The following FARS2 variants were observed in gnomAD, a reference collection of about 807,000 sequenced individuals.
FARS2 encodes the protein phenylalanyl-tRNA synthetase 2, mitochondrial, also known as phenylalanine--tRNA ligase, mitochondrial.
In FARS2, 40 loss-of-function variants were observed where a neutral mutation model predicts 46.4. The ratio of observed to expected loss-of-function variants is 0.86; its 90% confidence interval spans 0.67 to 1.12. The LOEUF (loss-of-function observed/expected upper bound fraction) is 1.12. Among genes scored for constraint, FARS2 ranks in the 50% most tolerant of loss-of-function variants. The pLI is 0.00. For synonymous variants in FARS2, 234 were observed against 214.9 expected (o/e 1.09, Z -0.78); for missense variants, 513 against 567.9 (o/e 0.90, Z 0.98).
intron 4 of FARS2, among the ~76,000 whole-genome samples, chr6:5,449,007 G>A (rs17140468): frequency 0.14 from 20,624 of 152,220 alleles, 1,775 homozygotes; most frequent in East Asian, 0.22. Flanking sequence ...GTGAAAGATC[G>A]GAGAGCGTAA....
chr6:5,515,416 TTTTTTATTTTTA>T (rs149947375), intron 4 of FARS2, among the ~76,000 whole-genome samples: 3 of 151,964 alleles, frequency 2.0e-5, no homozygotes, highest in Non-Finnish European at 4.4e-5. Context: ...GATTCAGCGT[TTTTTTATTTTTA>T]TTTTTATTTT....
chr6:5,628,269 C>T (rs1776131685), intron 6 of FARS2, among the ~76,000 whole-genome samples: 2 of 152,090 alleles, frequency 1.3e-5, no homozygotes, highest in South Asian at 4.1e-4. Flanking sequence ...GGGAAAATTT[C>T]TGAAGGAAGG....
chr6:5,297,582 A>G (rs984265486), intron 1 of FARS2, among the ~76,000 whole-genome samples: 1 of 152,084 alleles, frequency 6.6e-6, no homozygotes, highest in Non-Finnish European at 1.5e-5. Context: ...CAGGAGGCGG[A>G]GGTTGCAGTG....
intron 2 of FARS2, among the ~76,000 whole-genome samples, chr6:5,379,224 T>C (rs1238806134): frequency 1.3e-5 from 2 of 152,178 alleles, no homozygotes; most frequent in Non-Finnish European, 2.9e-5. Context: ...TGTCTCCCTC[T>C]TTCTGGGCTG....
chr6:5,665,903 C>T (rs146488591), intron 6 of FARS2, among the ~76,000 whole-genome samples: 351 of 152,278 alleles, frequency 2.3e-3, no homozygotes, highest in African/African-American at 7.7e-3. Flanking sequence ...GACAATTCCA[C>T]CCTTCCTTGA....
At chr6:5,376,248 A>T (rs1014133159) in intron 2 of FARS2, among the ~76,000 whole-genome samples, 1 of 152,212 alleles carries the variant, frequency 6.6e-6, no homozygotes, top group Non-Finnish European at 1.5e-5. Context: ...TATGTGTATG[A>T]TTTATTGTGT....
At chr6:5,570,406 C>A (rs1174733558) in intron 5 of FARS2, among the ~76,000 whole-genome samples, 1 of 152,204 alleles carries the variant, frequency 6.6e-6, no homozygotes, top group Non-Finnish European at 1.5e-5. Context: ...AAAACCACAA[C>A]ATCTTCTCTT....
At chr6:5,276,362 T>G (rs59548069) in intron 1 of FARS2, among the ~76,000 whole-genome samples, 35,040 of 152,154 alleles carry the variant, frequency 0.23, 4,561 homozygotes, top group African/African-American at 0.34. Flanking sequence ...GGTAAATTAC[T>G]TAACATTTAG....
At chr6:5,360,199 G>A (rs797124) in intron 1 of FARS2, among the ~76,000 whole-genome samples, 70,116 of 152,044 alleles carry the variant, frequency 0.46, 18,221 homozygotes, top group African/African-American at 0.72. Flanking sequence ...ATTTGTCCTT[G>A]TATTGGTTGA....
At chr6:5,342,139 C>T (rs985496841) in intron 1 of FARS2, among the ~76,000 whole-genome samples, 1 of 152,210 alleles carries the variant, frequency 6.6e-6, no homozygotes, top group Non-Finnish European at 1.5e-5. Context: ...TTCTCCACAA[C>T]TTGACAGTGT....
intron 6 of FARS2, among the ~76,000 whole-genome samples, chr6:5,646,248 C>A (rs191503238): frequency 1.3e-5 from 2 of 152,024 alleles, no homozygotes; most frequent in Non-Finnish European, 2.9e-5. Context: ...CACTGTTTTC[C>A]GAGTATATCT....
intron 5 of FARS2, among the ~76,000 whole-genome samples, chr6:5,551,763 C>A (rs1771385704): frequency 6.6e-6 from 1 of 152,168 alleles, no homozygotes; most frequent in Non-Finnish European, 1.5e-5. Context: ...CTTGCCTTTG[C>A]CCGTCTAGAG....
chr6:5,359,692 G>A (rs1387569228), intron 1 of FARS2, among the ~76,000 whole-genome samples: 2 of 152,246 alleles, frequency 1.3e-5, no homozygotes, highest in Non-Finnish European at 1.5e-5. Context: ...AACTCTTACT[G>A]ATGGTTATAA....
Position 5,769,146 on chromosome 6 carries a change from TTG to T in FARS2, c.1218-2134_1218-2133del, listed in dbSNP as rs150603204. Among the ~76,000 whole-genome samples the T allele has an allele frequency of 2.4e-3, 372 of 152,228 alleles. 3 individuals are homozygous for T. The highest frequency in any genetic ancestry group is 8.6e-3 in the African/African-American group (358 of 41,524). On this transcript the variant is annotated intron_variant, in intron 6 of 6. Coordinates refer to ENST00000274680, the MANE Select transcript of FARS2 (RefSeq NM_006567.5). ...GATATATGATATATTTTGAGTTAGT[TTG>T]TGTGTGTGTGGTGTGAGGTAGGGAT...
At chr6:5,292,547 T>G (rs1767579349) in intron 1 of FARS2, among the ~76,000 whole-genome samples, 1 of 152,168 alleles carries the variant, frequency 6.6e-6, no homozygotes, top group South Asian at 2.1e-4. Context: ...AAAGGATACC[T>G]CCCAGTTTTC....
intron 6 of FARS2, among the ~76,000 whole-genome samples, chr6:5,615,192 C>T (rs1775408504): frequency 6.6e-6 from 1 of 152,024 alleles, no homozygotes; most frequent in Non-Finnish European, 1.5e-5. Context: ...GGGATTTGTT[C>T]TGATCCATTG....
At chr6:5,673,928 T>TTTATGGAA (rs1199690072) in intron 6 of FARS2, among the ~76,000 whole-genome samples, 1 of 151,822 alleles carries the variant, frequency 6.6e-6, no homozygotes, top group Non-Finnish European at 1.5e-5. Context: ...GGATGGTAGG[T>TTTATGGAA]TTATGGAATC....
intron 4 of FARS2, among the ~76,000 whole-genome samples, chr6:5,439,374 T>G (rs1046092409): frequency 2.0e-5 from 3 of 152,238 alleles, no homozygotes; most frequent in Non-Finnish European, 4.4e-5. Context: ...ACAGACAGGC[T>G]TCTCTTTGAG....
At chr6:5,404,948 A>G (rs1761480440) in intron 3 of FARS2, among the ~76,000 whole-genome samples, 1 of 151,904 alleles carries the variant, frequency 6.6e-6, no homozygotes, top group Non-Finnish European at 1.5e-5. Flanking sequence ...ATAGGCGCCC[A>G]TCACCACACT....
Sources: gnomAD v4.1 joint callset for allele counts (sites outside exome capture counted in the v4.1 genomes callset) on GRCh38, gnomAD v4.1.1 for gene constraint, MANE v1.5 for transcripts, NCBI Gene and HGNC (gene_info 2026-07-23, HGNC 2026-07-21) for gene names.